The following ATP8B4 variants were observed in gnomAD, a reference collection of about 807,000 sequenced individuals.
ATP8B4 encodes the protein ATPase phospholipid transporting 8B4 (putative).
In ATP8B4, 133 loss-of-function variants were observed where a neutral mutation model predicts 145.6. That is an observed-to-expected ratio of 0.91 (90% CI 0.79 to 1.05). The LOEUF (loss-of-function observed/expected upper bound fraction) is 1.05, where lower values mean the gene tolerates loss of function less well. Ranked by LOEUF, ATP8B4 falls within the 50% of genes least tolerant of loss-of-function variation. ATP8B4 has a pLI of 0.00. For synonymous variants in ATP8B4, 507 were observed against 492.9 expected (o/e 1.03, Z -0.38); for missense variants, 1,458 against 1,425.2 (o/e 1.02, Z -0.37).
intron 6 of ATP8B4, among the ~76,000 whole-genome samples, chr15:50,033,057 G>A (rs1222423182): frequency 1.3e-5 from 2 of 152,188 alleles, no homozygotes; most frequent in Non-Finnish European, 2.9e-5. Context: ...CCTATTGAAA[G>A]AGTATATTTG....
At position 50,056,754 on chromosome 15, in the gene ATP8B4, TATA is replaced by T. The variant is rs201764180; in HGVS notation, c.88-9293_88-9291del. ...ACACACACACCTATAGCAAAGACAA[TATA>T]ATATCTATATTATCTATAGTAAAAA... On this transcript the variant is annotated intron_variant, in intron 3 of 27. Transcript: ENST00000284509. Among the ~76,000 whole-genome samples the T allele has an allele frequency of 1.3e-3, 193 of 151,184 alleles. 2 individuals carry two copies. The East Asian group carries it at 0.022, about 17-fold the overall frequency.
chr15:49,874,558 T>C (rs983950729), intron 25 of ATP8B4, among the ~76,000 whole-genome samples: 23 of 152,136 alleles, frequency 1.5e-4, no homozygotes, highest in African/African-American at 5.1e-4. Context: ...GCAAATGGAT[T>C]TGGATTTCCT....
At chr15:50,077,277 A>C (rs184415008) in intron 2 of ATP8B4, among the ~76,000 whole-genome samples, 4 of 152,378 alleles carry the variant, frequency 2.6e-5, no homozygotes, top group Admixed American at 2.6e-4. Flanking sequence ...TTAAGATAGC[A>C]AGTTGAGTCT....
intron 14 of ATP8B4, among the ~76,000 whole-genome samples, chr15:49,943,255 A>G (rs1309499500): frequency 6.6e-6 from 1 of 152,198 alleles, no homozygotes; most frequent in Non-Finnish European, 1.5e-5. Flanking sequence ...CAGCTTATGC[A>G]TTATGAGAGT....
At chr15:50,108,240 T>C (rs1038885338) in intron 1 of ATP8B4, among the ~76,000 whole-genome samples, 8 of 152,084 alleles carry the variant, frequency 5.3e-5, no homozygotes, top group South Asian at 2.1e-4. Context: ...CAGTGGGTTA[T>C]CTCCAGGACA....
chr15:50,142,271 G>A (rs1375986430), intron 1 of ATP8B4, among the ~76,000 whole-genome samples: 1 of 152,050 alleles, frequency 6.6e-6, no homozygotes. Flanking sequence ...TTGTTTTTAT[G>A]TTCATTTTTT....
rs1473183953 is a variant in ATP8B4, at chr15:50,002,173, A to T, written c.486T>A (p.Val162=). 1.2e-6 allele frequency: 2 copies of T among 1,610,474 alleles called. No homozygotes were observed. The highest frequency in any genetic ancestry group is 1.7e-6 in the Non-Finnish European group (2 of 1,177,848). ...SSSEPHGLCY[V]ETAELDGETN... ...CTTACCCATCAAGCTCAGCAGTTTCAACATAACAGAGACCATGTGGCTCAC... is the reference window on the plus strand; with the variant it reads ...CTTACCCATCAAGCTCAGCAGTTTCTACATAACAGAGACCATGTGGCTCAC... The change falls in exon 8 of 28, where the codon GTT becomes GTA. Residue 162 remains valine (V), a synonymous_variant. Transcript: ENST00000284509.
intron 10 of ATP8B4, among the ~76,000 whole-genome samples, chr15:49,984,733 G>C (rs2046440243): frequency 6.6e-6 from 1 of 152,004 alleles, no homozygotes. Context: ...TAACCTATTA[G>C]TATAAACCAT....
chr15:49,979,760 G>C lies in ATP8B4; in HGVS notation c.891C>G (p.Ile297Met). ...ATTGGTCCCCAGTTTGACTCTCCCA[G>C]ATTGAATTTCCTATTGCAAGAATAA... ...LGIILAIGNS[I>M]WESQTGDQFR... Residue 297 changes from isoleucine to methionine, a missense_variant, in exon 12 of 28, where the codon ATC (isoleucine) becomes ATG (methionine). By Grantham distance (10) the Ile-to-Met change is conservative (BLOSUM62 1). Coordinates refer to ENST00000284509, the MANE Select transcript of ATP8B4 (RefSeq NM_024837.4). The C allele has an allele frequency of 6.2e-7, 1 of 1,609,680 alleles. No individual in the cohort carries two copies. The highest frequency in any genetic ancestry group is 8.5e-7 in the Non-Finnish European group (1 of 1,177,182).
intron 1 of ATP8B4, among the ~76,000 whole-genome samples, chr15:50,138,333 GATAGA>G (rs1567402962): frequency 0.013 from 477 of 38,014 alleles, 1 homozygote; most frequent in African/African-American, 0.019. Flanking sequence ...TAGGTAGATA[GATAGA>G]TAGATAGATA....
intron 1 of ATP8B4, among the ~76,000 whole-genome samples, chr15:50,140,427 T>C (rs1259504723): frequency 1.3e-5 from 2 of 152,220 alleles, no homozygotes; most frequent in Admixed American, 6.5e-5. Context: ...ATTATATCCC[T>C]GTCTACCCAG....
intron 12 of ATP8B4, among the ~76,000 whole-genome samples, chr15:49,975,545 T>C (rs1264586252): frequency 6.6e-6 from 1 of 152,138 alleles, no homozygotes; most frequent in Non-Finnish European, 1.5e-5. Context: ...GACACAACCA[T>C]CCTTTTTTTA....
In ATP8B4 at chr15:50,114,103, C is replaced by CT. The variant is rs755159123; in HGVS notation, c.-43+5019dup. Among the ~76,000 whole-genome samples, 278 of 55,656 alleles carry CT rather than the reference C, an allele frequency of 5.0e-3. 6 individuals are homozygous for CT. The highest frequency in any genetic ancestry group is 0.018 in the African/African-American group (272 of 14,916). 36.5% of individuals were successfully genotyped at this position (55,656 alleles called of 152,430 possible). A position where few individuals can be genotyped will look rare whatever the true frequency, so the allele number is the denominator to read the frequency against. ...ATTTTCCTTCTTGGTCTCCTAGTTT[C>CT]TTTTTTTTTTTTTTTTTTTTTTTTT... On this transcript the variant is annotated intron_variant, in intron 1 of 27. Transcript: ENST00000284509.
intron 8 of ATP8B4, among the ~76,000 whole-genome samples, chr15:49,998,591 G>GT (rs1439461316): frequency 6.6e-6 from 1 of 152,002 alleles, no homozygotes; most frequent in Admixed American, 6.6e-5. Context: ...GAGGTTGTTT[G>GT]TTTTTTTCTT....
intron 8 of ATP8B4, among the ~76,000 whole-genome samples, chr15:50,001,145 A>ATT (rs199580347): frequency 6.7e-6 from 1 of 149,532 alleles, no homozygotes; most frequent in African/African-American, 2.5e-5. Context: ...GATTTTCTTT[A>ATT]TTTTTTTTGT....
At chr15:50,015,926 C>T in intron 6 of ATP8B4, among the ~76,000 whole-genome samples, 1 of 152,200 alleles carries the variant, frequency 6.6e-6, no homozygotes, top group East Asian at 1.9e-4. Flanking sequence ...AAGATGCTCT[C>T]TCACCAATTT....
intron 23 of ATP8B4, among the ~76,000 whole-genome samples, chr15:49,890,569 C>T (rs1367247200): frequency 6.6e-6 from 1 of 152,152 alleles, no homozygotes; most frequent in Non-Finnish European, 1.5e-5. Context: ...GTGATCTTAA[C>T]GGGGAAGTGA....
intron 7 of ATP8B4, among the ~76,000 whole-genome samples, chr15:50,007,958 A>G (rs566403935): frequency 6.6e-6 from 1 of 152,334 alleles, no homozygotes; most frequent in South Asian, 2.1e-4. Flanking sequence ...AGGCCAACAG[A>G]ACTACATTTG....
chr15:50,030,303 T>C (rs140932071), intron 6 of ATP8B4, among the ~76,000 whole-genome samples: 98 of 152,292 alleles, frequency 6.4e-4, no homozygotes, highest in African/African-American at 2.3e-3. Flanking sequence ...CACATAGAAC[T>C]TGGTGTATCT....
Sources: gnomAD v4.1 joint callset for allele counts (sites outside exome capture counted in the v4.1 genomes callset) on GRCh38, gnomAD v4.1.1 for gene constraint, MANE v1.5 for transcripts, NCBI Gene and HGNC (gene_info 2026-07-23, HGNC 2026-07-21) for gene names.